IMPG1: variants seen among roughly 807,000 people sequenced by gnomAD.
IMPG1 encodes interphotoreceptor matrix proteoglycan 1, also known as interphotoreceptor matrix proteoglycan of 150 kDa.
In IMPG1, 85 loss-of-function variants were observed where a neutral mutation model predicts 92.0. The ratio of observed to expected loss-of-function variants is 0.92; its 90% CI spans 0.78 to 1.11. The LOEUF is 1.11. Ranked by LOEUF, IMPG1 falls within the 50% of genes least tolerant of loss-of-function variation. The probability of loss-of-function intolerance (pLI) is 0.00; values close to 1 mark genes in which losing one functional copy is unlikely to be tolerated. For missense variants in IMPG1, 1,022 were observed against 956.0 expected (o/e 1.07, Z -0.91); for synonymous variants, 367 against 334.1 (o/e 1.10, Z -1.08).
chr6:76,056,982 C>G (rs560720053), intron 1 of IMPG1, among the ~76,000 whole-genome samples: 1 of 152,250 alleles, frequency 6.6e-6, no homozygotes, highest in South Asian at 2.1e-4. Flanking sequence ...GGAACAAAAT[C>G]ATGTCCTTTG....
chr6:76,043,433 GC>G (rs1335484699), intron 1 of IMPG1, among the ~76,000 whole-genome samples: 2 of 152,098 alleles, frequency 1.3e-5, no homozygotes, highest in Non-Finnish European at 2.9e-5. Flanking sequence ...GAGAAAGTCC[GC>G]CTGGGAACAC....
intron 15 of IMPG1, among the ~76,000 whole-genome samples, chr6:75,927,982 CACTT>C (rs1781587703): frequency 6.6e-6 from 1 of 152,072 alleles, no homozygotes; most frequent in Non-Finnish European, 1.5e-5. Flanking sequence ...TTACTGATCT[CACTT>C]ACGACAACCT....
rs1224488663 is a variant in IMPG1 at position 75,974,428 on chromosome 6, G to GCTTCCTTC, written c.1292-23342_1292-23335dup. Among the ~76,000 whole-genome samples, 21 of 96,340 alleles carry GCTTCCTTC rather than the reference G, an allele frequency of 2.2e-4. 1 individual carries two copies. In the East Asian group the frequency reaches 5.0e-3, roughly 23 times the overall value. The allele number at this position is 96,340 out of a possible 152,430, so 63.2% of individuals were successfully genotyped here. A position where few individuals can be genotyped will look rare whatever the true frequency, so the allele number is the denominator to read the frequency against. ...TCCTTCCTTCCTTCCTTCCTTCCTTGCTTCCTTCCTTCCTTCCTTCCTTCT... is the reference window on the plus strand; with the variant it reads ...TCCTTCCTTCCTTCCTTCCTTCCTTGCTTCCTTCCTTCCTTCCTTCCTTCCTTCCTTCT... On this transcript the variant is annotated intron_variant, in intron 12 of 16. Coordinates refer to ENST00000369950, the MANE Select transcript of IMPG1 (RefSeq NM_001563.4).
Position 76,023,962 on chromosome 6 carries a change from C to T in IMPG1, c.562+1232G>A, listed in dbSNP as rs1539122. Among the ~76,000 whole-genome samples, 422 of 152,234 alleles carry T rather than the reference C, an allele frequency of 2.8e-3. 3 individuals carry two copies. Among genetic ancestry groups the T allele is most frequent in the African/African-American group, 9.6e-3 (400 of 41,558 alleles). On this transcript the variant is annotated intron_variant, in intron 5 of 16. Transcript: ENST00000369950. Reference sequence around the variant, plus strand: ...AAACGTCTTTTTACATGTTTATATGCTCCTCCTCTAAATAATACCTTTTTG... The same window carrying T: ...AAACGTCTTTTTACATGTTTATATGTTCCTCCTCTAAATAATACCTTTTTG...
chr6:75,933,493 C>A (rs1241463608), intron 14 of IMPG1, among the ~76,000 whole-genome samples: 1 of 152,168 alleles, frequency 6.6e-6, no homozygotes, highest in Non-Finnish European at 1.5e-5. Flanking sequence ...TATTCTTAAG[C>A]CATGAGGATA....
intron 14 of IMPG1, among the ~76,000 whole-genome samples, chr6:75,938,391 C>T (rs1177233309): frequency 3.9e-5 from 6 of 152,214 alleles, no homozygotes; most frequent in Non-Finnish European, 5.9e-5. Flanking sequence ...AAACTGCTTT[C>T]TACCCTGACA....
intron 1 of IMPG1, among the ~76,000 whole-genome samples, chr6:76,067,601 C>T (rs1227900502): frequency 2.6e-5 from 4 of 151,938 alleles, no homozygotes; most frequent in Non-Finnish European, 4.4e-5. Flanking sequence ...CTGATTTCTA[C>T]CAGACATACA....
At chr6:75,998,241 A>T (rs1158611875) in intron 12 of IMPG1, among the ~76,000 whole-genome samples, 1 of 152,226 alleles carries the variant, frequency 6.6e-6, no homozygotes, top group Non-Finnish European at 1.5e-5. Context: ...AGATATTGTA[A>T]TACAAATTCA....
intron 14 of IMPG1, among the ~76,000 whole-genome samples, chr6:75,933,298 A>G (rs1781692794): frequency 6.6e-6 from 1 of 152,110 alleles, no homozygotes; most frequent in Non-Finnish European, 1.5e-5. Context: ...GTGTAGACAA[A>G]TTGGTCTATA....
intron 12 of IMPG1, among the ~76,000 whole-genome samples, chr6:75,955,011 T>C (rs1782094412): frequency 6.6e-6 from 1 of 152,232 alleles, no homozygotes; most frequent in South Asian, 2.1e-4. Flanking sequence ...TTTTTGTTAC[T>C]GTAGGCTTGT....
chr6:76,043,999 G>A (rs1783890280), intron 1 of IMPG1, among the ~76,000 whole-genome samples: 1 of 152,240 alleles, frequency 6.6e-6, no homozygotes, highest in East Asian at 1.9e-4. Context: ...CAAGGCATAT[G>A]CCAGTGCTAT....
At chr6:76,023,439 A>G (rs1303083701) in intron 5 of IMPG1, among the ~76,000 whole-genome samples, 2 of 152,188 alleles carry the variant, frequency 1.3e-5, no homozygotes, top group Non-Finnish European at 2.9e-5. Flanking sequence ...CTTCCATTTT[A>G]TTGCCTTGAA....
At chr6:76,042,187 T>G in intron 1 of IMPG1, 61 bp from the exon 2 acceptor site, 1 of 879,088 alleles carries the variant, frequency 1.1e-6, no homozygotes, top group Non-Finnish European at 1.9e-6. Flanking sequence ...ATGTGACATA[T>G]ATGGATAAAT....
chr6:75,950,850 G>T lies in IMPG1; in HGVS notation c.1536C>A (p.Gly512=). The T allele has an allele frequency of 1.9e-6, 3 of 1,613,826 alleles. No homozygotes were observed. Among genetic ancestry groups the T allele is most frequent in the Non-Finnish European group, 2.5e-6 (3 of 1,179,912 alleles). The part of the protein sequence containing the change: ...SSDDSRSSAG[G]EDMVRHLDEM... ...CATCTAGGTGTCTGACCATATCTTC[G>T]CCACCTGCACTTGATCGGCTGTCAT... Residue 512 remains glycine (G), a synonymous_variant, in exon 13 of 17, where the codon GGC becomes GGA. Coordinates refer to ENST00000369950, the MANE Select transcript of IMPG1 (RefSeq NM_001563.4).
At chr6:76,016,069 G>C (rs1386873858) in intron 7 of IMPG1, among the ~76,000 whole-genome samples, 1 of 152,096 alleles carries the variant, frequency 6.6e-6, no homozygotes, top group African/African-American at 2.4e-5. Flanking sequence ...TTACAGAATT[G>C]CATGAAAAAT....
chr6:76,005,224 A>G (rs1263792253), intron 10 of IMPG1, 63 bp downstream of exon 10: 3 of 1,530,948 alleles, frequency 2.0e-6, no homozygotes, highest in African/African-American at 2.8e-5. Context: ...TCCATGAGAC[A>G]TTCACATTCT....
rs972132826 is a variant in IMPG1 at position 76,066,997 on chromosome 6, T to C, written c.67+5425A>G. Among the ~76,000 whole-genome samples, 6 of 151,616 alleles carry C rather than the reference T, an allele frequency of 4.0e-5. No individual in the cohort carries two copies. In the South Asian group the frequency reaches 1.2e-3, roughly 31 times the overall value. On this transcript the variant is annotated intron_variant, in intron 1 of 16. Coordinates refer to ENST00000369950, the MANE Select transcript of IMPG1 (RefSeq NM_001563.4). ...ACGGAAATTAAAAAAAATTGAAACT[T>C]ACGAAAATAGAGACACAACATACCT...
At chr6:76,005,873 G>A (rs1407191602) in intron 9 of IMPG1, among the ~76,000 whole-genome samples, 1 of 145,810 alleles carries the variant, frequency 6.9e-6, no homozygotes, top group Non-Finnish European at 1.5e-5. Flanking sequence ...GTCTCACTCT[G>A]TTACCCAGGC....
intron 2 of IMPG1, among the ~76,000 whole-genome samples, chr6:76,040,134 A>T (rs988304871): frequency 6.6e-6 from 1 of 152,168 alleles, no homozygotes; most frequent in Non-Finnish European, 1.5e-5. Context: ...CATATTACCT[A>T]GGGGCAGCCA....
Sources: allele counts gnomAD v4.1 joint callset (sites outside exome capture counted in the v4.1 genomes callset), GRCh38; gene constraint gnomAD v4.1.1; transcripts MANE v1.5; gene names NCBI Gene and HGNC (gene_info 2026-07-23, HGNC 2026-07-21).